Variants in CNTN5 observed in about 807,000 individuals in gnomAD.
CNTN5 encodes the protein contactin-5.
In CNTN5, 77 loss-of-function variants were observed where a neutral mutation model predicts 129.1. The observed-to-expected ratio is 0.60, with a 90% CI of 0.50 to 0.72. CNTN5 has a LOEUF of 0.72. Ranked by LOEUF, CNTN5 falls within the 30% of genes least tolerant of loss-of-function variation. CNTN5 has a pLI of 0.00. For missense variants in CNTN5, 1,478 were observed against 1,328.8 expected, an observed-to-expected ratio of 1.11 and a Z score of -1.75; for synonymous variants, 509 against 465.6, an observed-to-expected ratio of 1.09 and a Z score of -1.20.
At chr11:100,313,752 C>T (rs959754447) in intron 21 of CNTN5, among the ~76,000 whole-genome samples, 2 of 151,966 alleles carry the variant, frequency 1.3e-5, no homozygotes, top group African/African-American at 2.4e-5. Context: ...CTGCTGTGTC[C>T]TGGCACACTC....
At chr11:100,300,694 T>C (rs1396688563) in intron 20 of CNTN5, among the ~76,000 whole-genome samples, 1 of 151,536 alleles carries the variant, frequency 6.6e-6, no homozygotes, top group Non-Finnish European at 1.5e-5. Flanking sequence ...TAGAGCCAAA[T>C]TTTAAAGCAG....
chr11:99,833,637 C>T (rs1591277917), intron 4 of CNTN5, among the ~76,000 whole-genome samples: 1 of 152,032 alleles, frequency 6.6e-6, no homozygotes, highest in Admixed American at 6.6e-5. Flanking sequence ...TTTAGGAATA[C>T]GTTTGTTGAG....
chr11:99,636,427 A>T (rs530706403), intron 3 of CNTN5, among the ~76,000 whole-genome samples: 1 of 150,748 alleles, frequency 6.6e-6, no homozygotes, highest in South Asian at 2.1e-4. Flanking sequence ...CTTCAGATCC[A>T]CTTTCCACCC....
intron 1 of CNTN5, among the ~76,000 whole-genome samples, chr11:99,304,235 C>T (rs910607167): frequency 2.0e-5 from 3 of 152,114 alleles, no homozygotes; most frequent in African/African-American, 7.2e-5. Flanking sequence ...CTAATGCCCC[C>T]ACCAAACACT....
intron 2 of CNTN5, among the ~76,000 whole-genome samples, chr11:99,409,864 T>G (rs1213786390): frequency 9.6e-6 from 1 of 104,618 alleles, no homozygotes; most frequent in African/African-American, 3.8e-5. Flanking sequence ...GGATGTGATA[T>G]TGGGAAAGGA....
intron 13 of CNTN5, among the ~76,000 whole-genome samples, chr11:100,125,646 G>C (rs1444726518): frequency 6.6e-6 from 1 of 151,928 alleles, no homozygotes; most frequent in Admixed American, 6.6e-5. Flanking sequence ...GTGTCTTTCT[G>C]GTAAAACAGT....
chr11:99,915,505 A>C (rs886801796), intron 6 of CNTN5, among the ~76,000 whole-genome samples: 1 of 152,136 alleles, frequency 6.6e-6, no homozygotes, highest in African/African-American at 2.4e-5. Flanking sequence ...GCTTTCATAA[A>C]ATGAAAGTCA....
At chr11:99,559,752 T>C (rs940052723) in intron 3 of CNTN5, among the ~76,000 whole-genome samples, 1 of 152,172 alleles carries the variant, frequency 6.6e-6, no homozygotes, top group Admixed American at 6.6e-5. Context: ...AACTACCATA[T>C]AAGCGTTTAC....
At chr11:100,316,501 A>G (rs1951575295) in intron 21 of CNTN5, among the ~76,000 whole-genome samples, 1 of 152,242 alleles carries the variant, frequency 6.6e-6, no homozygotes, top group Admixed American at 6.5e-5. Context: ...GATCCTCTGA[A>G]GAAACAGTGT....
intron 16 of CNTN5, among the ~76,000 whole-genome samples, chr11:100,246,885 C>T (rs1446011017): frequency 6.6e-6 from 1 of 152,118 alleles, no homozygotes; most frequent in South Asian, 2.1e-4. Flanking sequence ...TAACATACTA[C>T]GTGCCATGCA....
intron 3 of CNTN5, among the ~76,000 whole-genome samples, chr11:99,777,718 T>A (rs576938957): frequency 6.6e-6 from 1 of 151,888 alleles, no homozygotes; most frequent in Non-Finnish European, 1.5e-5. Flanking sequence ...ACCTCAGGTG[T>A]AACAGAGTTG....
intron 3 of CNTN5, among the ~76,000 whole-genome samples, chr11:99,564,499 AAAAAAC>A (rs758030433): frequency 1.2e-4 from 19 of 152,182 alleles, no homozygotes; most frequent in Non-Finnish European, 4.4e-5. Context: ...GCTGAACGTA[AAAAAAC>A]AAAAACAAAA....
At chr11:99,842,280 TGTGA>T (rs1947533038) in intron 4 of CNTN5, among the ~76,000 whole-genome samples, 1 of 152,178 alleles carries the variant, frequency 6.6e-6, no homozygotes. Context: ...CAATGGTGAT[TGTGA>T]GTGTTTCGTG....
At chr11:99,385,230 G>T (rs1475832920) in intron 2 of CNTN5, among the ~76,000 whole-genome samples, 2 of 152,084 alleles carry the variant, frequency 1.3e-5, no homozygotes, top group African/African-American at 4.8e-5. Context: ...TTGTGCAAGA[G>T]ATCTCCCAAA....
intron 2 of CNTN5, among the ~76,000 whole-genome samples, chr11:99,432,039 G>C (rs1943391583): frequency 6.6e-6 from 1 of 152,188 alleles, no homozygotes; most frequent in Admixed American, 6.6e-5. Context: ...CGCACTTTAG[G>C]TGAGAGTAGC....
At chr11:99,581,752 A>C (rs937795043) in intron 3 of CNTN5, among the ~76,000 whole-genome samples, 1 of 152,120 alleles carries the variant, frequency 6.6e-6, no homozygotes, top group Non-Finnish European at 1.5e-5. Flanking sequence ...GGTTTCCTGA[A>C]TACAGCACAC....
chr11:99,117,578 A>G (rs4753939), intron 1 of CNTN5, among the ~76,000 whole-genome samples: 82,528 of 152,020 alleles, frequency 0.54, 22,782 homozygotes, highest in Admixed American at 0.64. Context: ...CTCCCTGAAT[A>G]TTATTGACTG....
chr11:99,098,481 G>C (rs1332922926), intron 1 of CNTN5, among the ~76,000 whole-genome samples: 2 of 151,866 alleles, frequency 1.3e-5, no homozygotes, highest in African/African-American at 2.4e-5. Context: ...TTTATGATAA[G>C]GTCACCTACA....
intron 8 of CNTN5, among the ~76,000 whole-genome samples, chr11:99,957,434 T>C (rs1950832398): frequency 6.6e-6 from 1 of 152,214 alleles, no homozygotes; most frequent in African/African-American, 2.4e-5. Flanking sequence ...CATGGTATAG[T>C]TATAATTGTG....
Sources: allele counts gnomAD v4.1 joint callset (sites outside exome capture counted in the v4.1 genomes callset), GRCh38; gene constraint gnomAD v4.1.1; transcripts MANE v1.5; gene names NCBI Gene and HGNC (gene_info 2026-07-23, HGNC 2026-07-21).